The following ATXN1 variants were observed in gnomAD, a reference collection of about 807,000 sequenced individuals.
The protein encoded by ATXN1 is ataxin-1.
Under a neutral mutation model 56.4 loss-of-function variants are expected in ATXN1, and 8 were observed. That is an observed-to-expected ratio of 0.14 (90% CI 0.08 to 0.26). The LOEUF is 0.26. Among genes scored for constraint, ATXN1 ranks in the 10% least tolerant of loss-of-function variants. The pLI is 1.00. For missense variants in ATXN1, 987 were observed against 1,106.5 expected, an observed-to-expected ratio of 0.89 and a Z score of 1.53; for synonymous variants, 514 against 494.6, an observed-to-expected ratio of 1.04 and a Z score of -0.52.
chr6:16,584,271 C>CACACACACAT (rs770282172), intron 4 of ATXN1, among the ~76,000 whole-genome samples: 15 of 140,240 alleles, frequency 1.1e-4, no homozygotes, highest in African/African-American at 3.4e-4. Flanking sequence ...CACACACACA[C>CACACACACAT]ATATACACAT....
intron 6 of ATXN1, among the ~76,000 whole-genome samples, chr6:16,377,197 C>T (rs950687931): frequency 1.3e-5 from 2 of 152,216 alleles, no homozygotes; most frequent in African/African-American, 2.4e-5. Flanking sequence ...ACTTCCCAGC[C>T]ACCAGCACTG....
At position 16,706,841 on chromosome 6, in the gene ATXN1, A is replaced by G. The variant is rs114332746; in HGVS notation, c.-615+46392T>C. Among the ~76,000 whole-genome samples, 224 of 152,204 alleles carry G rather than the reference A, an allele frequency of 1.5e-3. 2 individuals carry two copies. Among genetic ancestry groups the G allele is most frequent in the African/African-American group, 5.0e-3 (209 of 41,536 alleles). Reference sequence around the variant, plus strand: ...CAGGCCTCCTAACTTTCTCTGATGGATCCTCCTTCTTCCAATCCATCCCAT... The same window carrying G: ...CAGGCCTCCTAACTTTCTCTGATGGGTCCTCCTTCTTCCAATCCATCCCAT... On this transcript the variant is annotated intron_variant, in intron 2 of 7. Transcript: ENST00000436367.
At chr6:16,441,955 T>TA (rs1279121458) in intron 6 of ATXN1, among the ~76,000 whole-genome samples, 1 of 152,140 alleles carries the variant, frequency 6.6e-6, no homozygotes, top group Non-Finnish European at 1.5e-5. Flanking sequence ...AGCAAATGCT[T>TA]AAAATCGTGA....
chr6:16,343,706 G>C (rs1271154688), intron 6 of ATXN1, among the ~76,000 whole-genome samples: 2 of 152,122 alleles, frequency 1.3e-5, no homozygotes, highest in Non-Finnish European at 2.9e-5. Flanking sequence ...TCCACCCTCT[G>C]AATCAGGGAC....
At chr6:16,703,813 A>G (rs1759344473) in intron 2 of ATXN1, among the ~76,000 whole-genome samples, 1 of 152,202 alleles carries the variant, frequency 6.6e-6, no homozygotes, top group Non-Finnish European at 1.5e-5. Flanking sequence ...TGAGGTCAGG[A>G]GTTCGAGACC....
At chr6:16,363,665 G>T (rs777249830) in intron 6 of ATXN1, among the ~76,000 whole-genome samples, 5 of 152,286 alleles carry the variant, frequency 3.3e-5, no homozygotes, top group African/African-American at 1.2e-4. Flanking sequence ...CACCCGTACC[G>T]TTTAAAACTA....
intron 4 of ATXN1, among the ~76,000 whole-genome samples, chr6:16,558,300 CA>C (rs34684208): frequency 0.13 from 12,624 of 95,160 alleles, 464 homozygotes; most frequent in African/African-American, 0.2. Flanking sequence ...GATCCTGTGT[CA>C]AAAAAAAAAA....
At chr6:16,489,801 G>A (rs1760624524) in intron 5 of ATXN1, among the ~76,000 whole-genome samples, 1 of 152,106 alleles carries the variant, frequency 6.6e-6, no homozygotes, top group South Asian at 2.1e-4. Flanking sequence ...CTGGGCGAAA[G>A]AACAAGACTC....
intron 6 of ATXN1, among the ~76,000 whole-genome samples, chr6:16,385,070 C>T (rs1178915953): frequency 6.6e-6 from 1 of 152,046 alleles, no homozygotes; most frequent in Non-Finnish European, 1.5e-5. Flanking sequence ...TTGAAGAGTA[C>T]ACAGGAATGT....
intron 2 of ATXN1, among the ~76,000 whole-genome samples, chr6:16,711,402 T>G (rs1238592213): frequency 6.6e-6 from 1 of 151,814 alleles, no homozygotes; most frequent in East Asian, 1.9e-4. Flanking sequence ...AATGATAAAT[T>G]AGACTTCATT....
At chr6:16,359,077 C>T (rs179976) in intron 6 of ATXN1, among the ~76,000 whole-genome samples, 106,595 of 152,192 alleles carry the variant, frequency 0.7, 38,165 homozygotes, top group East Asian at 1. Context: ...GATGTGTCTG[C>T]GCCCACTGCC....
At position 16,380,714 on chromosome 6, in the gene ATXN1, C is replaced by T. The variant is rs553228780; in HGVS notation, c.-160-52244G>A. On this transcript the variant is annotated intron_variant, in intron 6 of 7. Transcript: ENST00000436367. ...TTACATCACAGACTCAAGAGGGCCCCGTTACCTCAAATCAGTGAATGCTTG... is the reference window on the plus strand; with the variant it reads ...TTACATCACAGACTCAAGAGGGCCCTGTTACCTCAAATCAGTGAATGCTTG... Among the ~76,000 whole-genome samples, 250 of 152,124 alleles carry T rather than the reference C, an allele frequency of 1.6e-3. 1 individual carries two copies. Among genetic ancestry groups the T allele is most frequent in the Non-Finnish European group, 2.4e-3 (163 of 68,006 alleles).
Position 16,301,793 on chromosome 6 carries a change from C to T in ATXN1, c.*4536G>A, listed in dbSNP as rs751706787. ...AACCAACACAGCTCAAGAAGCCCGG[C>T]CTTCGGTACCGAGAGCTCTGCTTCC... On this transcript the variant is annotated 3_prime_UTR_variant, in exon 8 of 8. Coordinates refer to ENST00000436367, the MANE Select transcript of ATXN1 (RefSeq NM_001128164.2). 2 of 152,652 alleles carry T rather than the reference C, an allele frequency of 1.3e-5. No individual in the cohort carries two copies. Among genetic ancestry groups the T allele is most frequent in the Non-Finnish European group, 1.5e-5 (1 of 68,056 alleles). The allele number at this position is 152,652 out of a possible 1,614,324, so 9.5% of individuals were successfully genotyped here.
At chr6:16,422,691 C>A (rs1293366300) in intron 6 of ATXN1, among the ~76,000 whole-genome samples, 1 of 152,160 alleles carries the variant, frequency 6.6e-6, no homozygotes, top group Non-Finnish European at 1.5e-5. Context: ...ATGCCTTTTA[C>A]AATAAAGATT....
At chr6:16,743,938 T>C (rs493352) in intron 2 of ATXN1, among the ~76,000 whole-genome samples, 84,421 of 151,936 alleles carry the variant, frequency 0.56, 23,676 homozygotes, top group African/African-American at 0.61. Flanking sequence ...TCAAAACCTA[T>C]GGAGCCAGGC....
intron 3 of ATXN1, among the ~76,000 whole-genome samples, chr6:16,657,060 T>C (rs912044644): frequency 1.4e-5 from 2 of 147,974 alleles, no homozygotes; most frequent in African/African-American, 2.5e-5. Flanking sequence ...CTCGGCTCAC[T>C]GCAAGCTCTG....
intron 6 of ATXN1, among the ~76,000 whole-genome samples, chr6:16,469,554 G>A (rs1024359760): frequency 6.6e-6 from 1 of 152,192 alleles, no homozygotes; most frequent in Non-Finnish European, 1.5e-5. Flanking sequence ...CAGAAAGGAT[G>A]CTTCAAATAA....
chr6:16,306,877 G>C lies in ATXN1; in HGVS notation c.1918-18C>G, dbSNP rs757790387. On this transcript the variant is annotated intron_variant, in intron 7 of 7. Transcript: ENST00000436367. This position sits in a 1 kb window ranked among gnomAD's most constrained non-coding sequence, Gnocchi z 5.2. ...ACGCTGACCTGTGGAAACAGGGAGA[G>C]ACAGAGAGAGGAAGAAGGAAGGGAA... is the stretch of plus-strand genomic sequence containing the variant. 6.3e-7 allele frequency: 1 copy of C among 1,575,524 alleles called. No homozygotes were observed. Among genetic ancestry groups the C allele is most frequent in the Middle Eastern group, 1.7e-4 (1 of 5,888 alleles).
chr6:16,303,701 G>C lies in ATXN1; in HGVS notation c.*2628C>G, dbSNP rs1362522414. 4 of 152,580 alleles carry C rather than the reference G, an allele frequency of 2.6e-5. No individual in the cohort carries two copies. The highest frequency in any genetic ancestry group is 1.3e-4 in the Admixed American group (2 of 15,276). 9.5% of individuals were successfully genotyped at this position (152,580 alleles called of 1,614,324 possible). A position where few individuals can be genotyped will look rare whatever the true frequency, so the allele number is the denominator to read the frequency against. On this transcript the variant is annotated 3_prime_UTR_variant, in exon 8 of 8. Transcript: ENST00000436367. This position sits in a 1 kb window ranked among gnomAD's most constrained non-coding sequence, Gnocchi z 4.3. ...TGTGTGTTTTCCCATCTTAGTGTTGGTTTAGTGGATCCAGTCAATTCAATA... is the reference window on the plus strand; with the variant it reads ...TGTGTGTTTTCCCATCTTAGTGTTGCTTTAGTGGATCCAGTCAATTCAATA...
Sources: allele counts gnomAD v4.1 joint callset (sites outside exome capture counted in the v4.1 genomes callset), GRCh38; gene constraint gnomAD v4.1.1; non-coding constraint Gnocchi (gnomAD v3.1); transcripts MANE v1.5; gene names NCBI Gene and HGNC (gene_info 2026-07-23, HGNC 2026-07-21).